Variants in SH3GLB1 observed in about 807,000 individuals in gnomAD.
SH3GLB1 encodes SH3 domain containing GRB2 like, endophilin B1.
SH3GLB1 carries 17 observed loss-of-function variants against 42.0 expected under a neutral mutation model. That is an observed-to-expected ratio of 0.40 (90% CI 0.28 to 0.61). SH3GLB1 has a LOEUF of 0.61. Among genes scored for constraint, SH3GLB1 ranks in the 20% least tolerant of loss-of-function variants. The probability of loss-of-function intolerance (pLI) is 0.36; values close to 1 mark genes in which losing one functional copy is unlikely to be tolerated. For synonymous variants in SH3GLB1, 132 were observed against 146.6 expected (o/e 0.90, Z 0.72); for missense variants, 355 against 426.3 (o/e 0.83, Z 1.47).
At position 86,744,720 on chromosome 1, in the gene SH3GLB1, C is replaced by T. The variant is rs554621111; in HGVS notation, c.*1485C>T. ...TTTAAAAAAATGAATACTTAAACAC[C>T]GTTTTAAAATTTTGTGTTAAGAGCT... is the stretch of plus-strand genomic sequence containing the variant. On this transcript the variant is annotated 3_prime_UTR_variant, in exon 9 of 9. Coordinates refer to ENST00000370558, the MANE Select transcript of SH3GLB1 (RefSeq NM_016009.5). 1 of 152,026 alleles carries T rather than the reference C, an allele frequency of 6.6e-6. No homozygotes were observed. Among genetic ancestry groups the T allele is most frequent in the African/African-American group, 2.4e-5 (1 of 41,380 alleles). 9.4% of individuals were successfully genotyped at this position (152,026 alleles called of 1,614,324 possible). A position where few individuals can be genotyped will look rare whatever the true frequency, so the allele number is the denominator to read the frequency against.
In SH3GLB1 at chr1:86,722,628, T is replaced by C. The variant is rs1570264778; in HGVS notation, c.432T>C (p.Leu144=). ...TTCAAACGTCAGCCTTAAATTTTCTTACTCCTTTAAGAAACTTTATAGAAG... is the reference window on the plus strand; with the variant it reads ...TTCAAACGTCAGCCTTAAATTTTCTCACTCCTTTAAGAAACTTTATAGAAG... ...ELIQTSALNF[L]TPLRNFIEGD... The change falls in exon 4 of 9, where the codon CTT becomes CTC. Residue 144 remains leucine (L), a synonymous_variant. Transcript: ENST00000370558. The C allele has an allele frequency of 6.2e-7, 1 of 1,609,954 alleles. No homozygotes were observed. The highest frequency in any genetic ancestry group is 8.5e-7 in the Non-Finnish European group (1 of 1,178,200).
At chr1:86,712,597 C>T (rs963217189) in intron 1 of SH3GLB1, among the ~76,000 whole-genome samples, 1 of 152,060 alleles carries the variant, frequency 6.6e-6, no homozygotes, top group Non-Finnish European at 1.5e-5. Flanking sequence ...ATACACTAAG[C>T]CTTGACACAG....
At position 86,742,449 on chromosome 1, in the gene SH3GLB1, G is replaced by T; in HGVS notation, c.990+13G>T. 1 of 1,587,578 alleles carries T rather than the reference G, an allele frequency of 6.3e-7. No homozygotes were observed. Among genetic ancestry groups the T allele is most frequent in the South Asian group, 1.1e-5 (1 of 90,244 alleles). ...TCTGGCAGATGAGGTGAGTATTGTG[G>T]GTATGAGAAGGAAAATATATCACGA... On this transcript the variant is annotated intron_variant, in intron 8 of 8. Transcript: ENST00000370558.
At chr1:86,709,032 A>C (rs1266905043) in intron 1 of SH3GLB1, among the ~76,000 whole-genome samples, 1 of 152,238 alleles carries the variant, frequency 6.6e-6, no homozygotes, top group South Asian at 2.1e-4. Flanking sequence ...TTTTTTAAAG[A>C]TATAGCTTCA....
At chr1:86,727,896 A>G (rs751411288) in intron 5 of SH3GLB1, among the ~76,000 whole-genome samples, 25 of 152,052 alleles carry the variant, frequency 1.6e-4, no homozygotes, top group Non-Finnish European at 2.8e-4. Context: ...TTAGAGCACC[A>G]TCAGTATAGC....
chr1:86,720,579 C>G (rs892791233), intron 3 of SH3GLB1, among the ~76,000 whole-genome samples: 15 of 152,326 alleles, frequency 9.8e-5, no homozygotes, highest in Middle Eastern at 3.4e-3. Flanking sequence ...TAACATGAGA[C>G]TGTTACAGAT....
At chr1:86,708,538 A>C (rs1393809629) in intron 1 of SH3GLB1, among the ~76,000 whole-genome samples, 2 of 151,984 alleles carry the variant, frequency 1.3e-5, no homozygotes, top group African/African-American at 2.4e-5. Flanking sequence ...TCCCATCACC[A>C]CTCCACTTCC....
intron 5 of SH3GLB1, chr1:86,730,257 G>A: frequency 7.2e-7 from 1 of 1,385,364 alleles, no homozygotes; most frequent in Non-Finnish European, 9.4e-7. Context: ...GATATGTTCA[G>A]GTCTCTTTAG....
rs921738956 is a variant in SH3GLB1, at chr1:86,744,709, T to G, written c.*1474T>G. On this transcript the variant is annotated 3_prime_UTR_variant, in exon 9 of 9. Coordinates refer to ENST00000370558, the MANE Select transcript of SH3GLB1 (RefSeq NM_016009.5). The stretch of plus-strand genomic sequence containing the variant: ...TTTTTGGTACTTTTAAAAAAATGAA[T>G]ACTTAAACACCGTTTTAAAATTTTG... 1.3e-5 allele frequency: 2 copies of G among 152,222 alleles called. No individual in the cohort carries two copies. Among genetic ancestry groups the G allele is most frequent in the Non-Finnish European group, 2.9e-5 (2 of 68,034 alleles). The allele number at this position is 152,222 out of a possible 1,614,324, so 9.4% of individuals were successfully genotyped here. A position where few individuals can be genotyped will look rare whatever the true frequency, so the allele number is the denominator to read the frequency against.
chr1:86,715,826 A>G lies in SH3GLB1; in HGVS notation c.175A>G (p.Ile59Val), dbSNP rs1654489274. The part of the protein sequence containing the change: ...AECTKIWTEK[I>V]MKQTEVLLQP... ...ATGTACCAAAATATGGACAGAAAAA[A>G]TAATGAAACAAACTGAAGTGTTATT... The change falls in exon 2 of 9, where the codon ATA (isoleucine) becomes GTA (valine). Residue 59 changes from isoleucine (I) to valine (V), a missense_variant. Transcript: ENST00000370558. The G allele has an allele frequency of 6.2e-7, 1 of 1,612,522 alleles. No individual in the cohort carries two copies. Among genetic ancestry groups the G allele is most frequent in the East Asian group, 2.2e-5 (1 of 44,810 alleles).
chr1:86,710,694 C>T (rs556020852), intron 1 of SH3GLB1, among the ~76,000 whole-genome samples: 32 of 152,296 alleles, frequency 2.1e-4, no homozygotes, highest in Admixed American at 3.9e-4. Context: ...AAGTCAATTA[C>T]TTTAATATTC....
intron 5 of SH3GLB1, chr1:86,729,962 A>G (rs1457404074): frequency 1.6e-5 from 15 of 921,658 alleles, no homozygotes; most frequent in Admixed American, 5.3e-5. Context: ...TGTTTAATCT[A>G]TAAATATGAT....
chr1:86,726,059 ATAAT>A (rs1403889214), intron 5 of SH3GLB1, among the ~76,000 whole-genome samples: 1 of 152,110 alleles, frequency 6.6e-6, no homozygotes, highest in Non-Finnish European at 1.5e-5. Context: ...CTAGTTGCTA[ATAAT>A]TAATTTGAAA....
Position 86,743,662 on chromosome 1 carries a change from T to G in SH3GLB1, c.*427T>G, listed in dbSNP as rs1367074386. 6.5e-6 allele frequency: 1 copy of G among 152,756 alleles called. No homozygotes were observed. Among genetic ancestry groups the G allele is most frequent in the African/African-American group, 2.4e-5 (1 of 41,454 alleles). The allele number at this position is 152,756 out of a possible 1,614,324, so 9.5% of individuals were successfully genotyped here. A position where few individuals can be genotyped will look rare whatever the true frequency, so the allele number is the denominator to read the frequency against. ...AAAATTTATTTTAAACTTTCGGTCT[T>G]AAAAAGAGCTGTAGGATATAAACCT... On this transcript the variant is annotated 3_prime_UTR_variant, in exon 9 of 9. Coordinates refer to ENST00000370558, the MANE Select transcript of SH3GLB1 (RefSeq NM_016009.5).
At chr1:86,730,410 A>T (rs1226204159) in intron 5 of SH3GLB1, 1 of 975,280 alleles carries the variant, frequency 1.0e-6, no homozygotes, top group Admixed American at 6.2e-5. Flanking sequence ...CTTGTTAATG[A>T]TTTTTTTAAT....
chr1:86,739,597 T>C (rs912112308), intron 7 of SH3GLB1, among the ~76,000 whole-genome samples: 3 of 152,034 alleles, frequency 2.0e-5, no homozygotes, highest in African/African-American at 7.2e-5. Context: ...GGGGTTTTGG[T>C]GTAAAGGGGA....
rs11544892 is a variant in SH3GLB1 at position 86,704,828 on chromosome 1, G to A, written c.-72G>A. 8.6e-6 allele frequency: 9 copies of A among 1,046,978 alleles called. No individual in the cohort carries two copies. The highest frequency in any genetic ancestry group is 2.5e-5 in the Admixed American group (1 of 39,918). 64.9% of individuals were successfully genotyped at this position (1,046,978 alleles called of 1,614,324 possible). On this transcript the variant is annotated 5_prime_UTR_variant, in exon 1 of 9. Transcript: ENST00000370558. ...TCTGCCCTCGCCGCTCTAGCCCTGC[G>A]CCCCAGCCCGGCCGCGGCACCTCCG...
chr1:86,705,966 C>G (rs185730319), intron 1 of SH3GLB1, among the ~76,000 whole-genome samples: 158 of 152,282 alleles, frequency 1.0e-3, no homozygotes, highest in Non-Finnish European at 1.9e-3. Flanking sequence ...TTGCCTTTGC[C>G]CCAATTTTGT....
In SH3GLB1 at chr1:86,730,504, ATTT is replaced by A. The variant is rs547603497; in HGVS notation, c.571-4088_571-4086del. 2.9e-3 allele frequency: 1,425 copies of A among 498,520 alleles called. 4 individuals carry two copies. The highest frequency in any genetic ancestry group is 3.4e-3 in the Non-Finnish European group (1,323 of 387,686). 30.9% of individuals were successfully genotyped at this position (498,520 alleles called of 1,614,324 possible). A position where few individuals can be genotyped will look rare whatever the true frequency, so the allele number is the denominator to read the frequency against. ...GATATATAATATTTCGCACAAATGA[ATTT>A]TTTTTTTTTGAGATGGAGTTTTGCT... On this transcript the variant is annotated intron_variant, in intron 5 of 8. Coordinates refer to ENST00000370558, the MANE Select transcript of SH3GLB1 (RefSeq NM_016009.5).
Sources: allele counts gnomAD v4.1 joint callset (sites outside exome capture counted in the v4.1 genomes callset), GRCh38; gene constraint gnomAD v4.1.1; transcripts MANE v1.5; gene names NCBI Gene and HGNC (gene_info 2026-07-23, HGNC 2026-07-21).